Variants in PRKG2 observed in about 807,000 individuals in gnomAD.
The protein encoded by PRKG2 is cGMP-dependent protein kinase 2.
In PRKG2, 33 loss-of-function variants were observed where a neutral mutation model predicts 97.2. That is an observed-to-expected ratio of 0.34 (90% CI 0.26 to 0.45). PRKG2 has a LOEUF of 0.45. Ranked by LOEUF, PRKG2 falls within the 20% of genes least tolerant of loss-of-function variation. PRKG2 has a pLI of 1.00. For synonymous variants in PRKG2, 330 were observed against 321.8 expected (o/e 1.03, Z -0.27); for missense variants, 638 against 900.0 (o/e 0.71, Z 3.73).
intron 2 of PRKG2, among the ~76,000 whole-genome samples, chr4:81,190,192 A>T (rs1752356514): frequency 6.6e-6 from 1 of 152,220 alleles, no homozygotes; most frequent in Non-Finnish European, 1.5e-5. Context: ...ACATGGCTAT[A>T]GTAACCAAAA....
intron 15 of PRKG2, among the ~76,000 whole-genome samples, chr4:81,109,897 C>T (rs1328434947): frequency 1.3e-5 from 2 of 152,148 alleles, no homozygotes; most frequent in Non-Finnish European, 2.9e-5. Flanking sequence ...ATTCAATTTT[C>T]ACTGCTAAAA....
intron 12 of PRKG2, among the ~76,000 whole-genome samples, chr4:81,137,897 A>G (rs1746869905): frequency 6.6e-6 from 1 of 152,176 alleles, no homozygotes; most frequent in Non-Finnish European, 1.5e-5. Context: ...ATTCATGTCA[A>G]TGTCTTATAT....
At chr4:81,148,797 T>C (rs1748104819) in intron 9 of PRKG2, 87 bp downstream of exon 9, 2 of 1,139,512 alleles carry the variant, frequency 1.8e-6, no homozygotes, top group South Asian at 1.3e-5. Context: ...TGGTGATGAA[T>C]GAGAAAACAG....
At chr4:81,161,535 A>G (rs543677372) in intron 6 of PRKG2, among the ~76,000 whole-genome samples, 1 of 152,252 alleles carries the variant, frequency 6.6e-6, no homozygotes, top group East Asian at 1.9e-4. Flanking sequence ...GGCTTATGTC[A>G]TTCTGGAAGC....
In PRKG2 at chr4:81,199,542, C is replaced by T. The variant is rs551360616; in HGVS notation, c.461+5045G>A. The stretch of plus-strand genomic sequence containing the variant: ...TTGGCAGGTTATATAATTCTGTGTG[C>T]CTCAGTTTTCTCATATATAAAATGG... On this transcript the variant is annotated intron_variant, in intron 2 of 18. Transcript: ENST00000264399. Among the ~76,000 whole-genome samples, 4 of 152,184 alleles carry T rather than the reference C, an allele frequency of 2.6e-5. No individual in the cohort carries two copies. The South Asian group carries it at 8.3e-4, about 32-fold the overall frequency.
intron 15 of PRKG2, among the ~76,000 whole-genome samples, chr4:81,107,190 A>C (rs1743433600): frequency 6.6e-6 from 1 of 152,170 alleles, no homozygotes; most frequent in South Asian, 2.1e-4. Flanking sequence ...GGGGAAGGGA[A>C]TCAAGAGTTA....
chr4:81,140,068 G>A (rs960225786), intron 12 of PRKG2, among the ~76,000 whole-genome samples: 3 of 152,152 alleles, frequency 2.0e-5, no homozygotes, highest in Admixed American at 6.5e-5. Flanking sequence ...AACATCACAC[G>A]TTCTCACTTA....
chr4:81,105,303 C>G (rs1199799774), intron 16 of PRKG2, among the ~76,000 whole-genome samples: 1 of 152,146 alleles, frequency 6.6e-6, no homozygotes, highest in Admixed American at 6.5e-5. Flanking sequence ...CCTCCCCTCT[C>G]CCTTCCGAGT....
At chr4:81,210,394 C>G (rs1753907673) in intron 1 of PRKG2, among the ~76,000 whole-genome samples, 1 of 152,056 alleles carries the variant, frequency 6.6e-6, no homozygotes, top group African/African-American at 2.4e-5. Flanking sequence ...GGCAAAAGAT[C>G]TGAGCAGACA....
chr4:81,202,312 A>T (rs1321027139), intron 2 of PRKG2, among the ~76,000 whole-genome samples: 1 of 152,212 alleles, frequency 6.6e-6, no homozygotes, highest in Non-Finnish European at 1.5e-5. Flanking sequence ...GAAAAATTTT[A>T]AATTTCTGAA....
Position 81,171,687 on chromosome 4 carries a change from T to C in PRKG2, c.742+4A>G. ...CAAAGATGGAGCATTTCCTCTTTTA[T>C]TACCTTTCACAGAGGCAGTCCTTGT... On this transcript the variant is annotated splice_donor_region_variant and intron_variant, in intron 4 of 18. Transcript: ENST00000264399. 2 of 1,583,990 alleles carry C rather than the reference T, an allele frequency of 1.3e-6. No individual in the cohort carries two copies. Among genetic ancestry groups the C allele is most frequent in the Non-Finnish European group, 1.7e-6 (2 of 1,162,054 alleles).
intron 11 of PRKG2, among the ~76,000 whole-genome samples, chr4:81,142,071 T>G (rs1747350912): frequency 6.6e-6 from 1 of 152,202 alleles, no homozygotes; most frequent in Admixed American, 6.5e-5. Flanking sequence ...CTCAGAGCCA[T>G]CTGTACCCAG....
intron 6 of PRKG2, among the ~76,000 whole-genome samples, chr4:81,158,813 T>C (rs1347643401): frequency 3.9e-5 from 6 of 152,122 alleles, no homozygotes; most frequent in African/African-American, 1.5e-4. Flanking sequence ...AACCATCTGA[T>C]CTTTGAGAAA....
In PRKG2 at chr4:81,153,549, G is replaced by A. The variant is rs1282043598; in HGVS notation, c.990+95C>T. 4 of 932,392 alleles carry A rather than the reference G, an allele frequency of 4.3e-6. No individual in the cohort carries two copies. In the African/African-American group the frequency reaches 6.7e-5, roughly 16 times the overall value. 57.8% of individuals were successfully genotyped at this position (932,392 alleles called of 1,614,324 possible). On this transcript the variant is annotated intron_variant, in intron 7 of 18. Transcript: ENST00000264399. ...AGAAGCTCCTTTATCTGTCCAAAGTGGAGGACCTATGTTGCAATGCAAAGC... is the reference window on the plus strand; with the variant it reads ...AGAAGCTCCTTTATCTGTCCAAAGTAGAGGACCTATGTTGCAATGCAAAGC...
At chr4:81,210,478 T>C (rs569248636) in intron 1 of PRKG2, among the ~76,000 whole-genome samples, 1 of 152,080 alleles carries the variant, frequency 6.6e-6, no homozygotes, top group Non-Finnish European at 1.5e-5. Context: ...CATTAGGGAA[T>C]CTCAAATTTA....
Position 81,205,011 on chromosome 4 carries a change from G to A in PRKG2, c.37C>T (p.His13Tyr), listed in dbSNP as rs781488557. 4 of 1,612,902 alleles carry A rather than the reference G, an allele frequency of 2.5e-6. No individual in the cohort carries two copies. In the Admixed American group the frequency reaches 6.7e-5, roughly 27 times the overall value. Residue 13 changes from histidine to tyrosine, a missense_variant, in exon 2 of 19, where the codon CAC becomes TAC. By Grantham distance (83) the His-to-Tyr change is moderately conservative. Transcript: ENST00000264399. ...AGGTTCCCAGAGTGTCCATCTGGGT[G>A]CTTAGAATGTTTAGGTTTCACTGAA... ...NGSVKPKHSK[H>Y]PDGHSGNLTT... is the part of the protein sequence containing the mutation.
intron 2 of PRKG2, among the ~76,000 whole-genome samples, chr4:81,180,555 T>C (rs1751316037): frequency 6.6e-6 from 1 of 152,196 alleles, no homozygotes; most frequent in Non-Finnish European, 1.5e-5. Context: ...ATTTCATATT[T>C]ATATCATCAA....
chr4:81,105,957 C>T, intron 15 of PRKG2, 22 bp from the exon 16 acceptor site: 1 of 1,608,540 alleles, frequency 6.2e-7, no homozygotes, highest in Non-Finnish European at 8.5e-7. Context: ...AAATCCAGAA[C>T]AGGACACATT....
At chr4:81,160,797 A>G (rs987882634) in intron 6 of PRKG2, among the ~76,000 whole-genome samples, 1 of 152,142 alleles carries the variant, frequency 6.6e-6, no homozygotes, top group African/African-American at 2.4e-5. Context: ...TTATGTGATT[A>G]GAAAATTCTT....
Sources: allele counts gnomAD v4.1 joint callset (sites outside exome capture counted in the v4.1 genomes callset), GRCh38; gene constraint gnomAD v4.1.1; transcripts MANE v1.5; gene names NCBI Gene and HGNC (gene_info 2026-07-23, HGNC 2026-07-21).